Variants in RBM10 observed in about 807,000 individuals in gnomAD.
The protein encoded by RBM10 is RNA binding motif protein 10.
RBM10 carries 1 observed loss-of-function variant against 84.9 expected under a neutral mutation model. The ratio of observed to expected loss-of-function variants is 0.01; its 90% CI spans 0.00 to 0.06. RBM10 has a LOEUF of 0.06. Ranked by LOEUF, RBM10 falls within the 10% of genes least tolerant of loss-of-function variation. RBM10 has a pLI of 1.00. For missense variants in RBM10, 438 were observed against 839.0 expected (o/e 0.52, Z 5.90); for synonymous variants, 326 against 344.5 (o/e 0.95, Z 0.60).
At chrX:47,165,616 C>G (rs187479306) in intron 2 of RBM10, among the ~76,000 whole-genome samples, 2 of 109,639 alleles carry the variant, frequency 1.8e-5, no homozygotes, top group African/African-American at 3.3e-5. Flanking sequence ...GTCAGAAGTT[C>G]GAGACTGGCC....
At chrX:47,174,960 G>A (rs530897439) in intron 5 of RBM10, 59 bp from the exon 6 acceptor site, 8 of 1,038,210 alleles carry the variant, frequency 7.7e-6, no homozygotes, top group South Asian at 5.7e-5. Flanking sequence ...CCCCGGGAAC[G>A]CCGTGTGTCC....
chrX:47,155,560 A>T (rs1933037245), intron 2 of RBM10, among the ~76,000 whole-genome samples: 2 of 106,708 alleles, frequency 1.9e-5, no homozygotes, highest in East Asian at 3.0e-4. Context: ...GTGAAACCCC[A>T]TCTCTACTAA....
At chrX:47,157,550 C>T (rs1264093420) in intron 2 of RBM10, 7 of 433,679 alleles carry the variant, frequency 1.6e-5, no homozygotes, top group Non-Finnish European at 3.0e-5. Context: ...TCTCAATCTT[C>T]CAGATGAGTT....
intron 7 of RBM10, 128 bp downstream of exon 7, chrX:47,176,714 G>GTCTCTC (rs59489451): frequency 4.1e-4 from 390 of 947,131 alleles, no homozygotes; most frequent in African/African-American, 3.2e-3. Flanking sequence ...CTCTCCCTCT[G>GTCTCTC]TCTCTCTCTC....
intron 3 of RBM10, among the ~76,000 whole-genome samples, chrX:47,170,185 G>A (rs191831324): frequency 1.1e-4 from 12 of 113,509 alleles, no homozygotes; most frequent in Non-Finnish European, 1.9e-4. Flanking sequence ...AGCCCTGGGG[G>A]GCAGTCTGTG....
At chrX:47,175,197 T>A in intron 6 of RBM10, 105 bp downstream of exon 6, 1 of 547,975 alleles carries the variant, frequency 1.8e-6, no homozygotes, top group Non-Finnish European at 3.0e-6. Flanking sequence ...CCTGTGGCCC[T>A]GTGTCCCATC....
chrX:47,157,289 G>A (rs1398509035), intron 2 of RBM10: 4 of 328,594 alleles, frequency 1.2e-5, no homozygotes, highest in African/African-American at 5.3e-5. Context: ...TGCTGACCAC[G>A]AACACCTTGT....
At chrX:47,164,521 C>CA (rs201448853) in intron 2 of RBM10, among the ~76,000 whole-genome samples, 4,419 of 69,170 alleles carry the variant, frequency 0.064, 263 homozygotes, top group African/African-American at 0.19. Context: ...TACTCCATCT[C>CA]AAAAAAAAAA....
intron 2 of RBM10, among the ~76,000 whole-genome samples, chrX:47,165,845 C>A (rs1345223147): frequency 9.1e-6 from 1 of 110,310 alleles, no homozygotes; most frequent in Non-Finnish European, 1.9e-5. Context: ...CATAGTGAAA[C>A]CCCGTCTCTA....
Position 47,145,391 on chromosome X carries a change from C to T in RBM10, c.-220C>T, listed in dbSNP as rs1303750120. ...TCCAGTCTCGGACTTGGTTGTTGCG[C>T]GCTCCGGCTCCGGCTGAGCTGGGAG... is the stretch of plus-strand genomic sequence containing the variant. On this transcript the variant is annotated 5_prime_UTR_variant, in exon 1 of 24. Transcript: ENST00000377604. 7 of 1,117,962 alleles carry T rather than the reference C, an allele frequency of 6.3e-6. No homozygotes were observed. Among genetic ancestry groups the T allele is most frequent in the Admixed American group, 2.6e-5 (1 of 38,554 alleles). 92.1% of individuals were successfully genotyped at this position (1,117,962 alleles called of 1,213,427 possible). A position where few individuals can be genotyped will look rare whatever the true frequency, so the allele number is the denominator to read the frequency against.
In RBM10 at chrX:47,164,538, A is replaced by T. The variant is rs943376096; in HGVS notation, c.18-4777A>T. ...CTCCATCTCAAAAAAAAAAAAAAAAATTGGCAAAAGGACTTGAATAGACAT... is the reference window on the plus strand; with the variant it reads ...CTCCATCTCAAAAAAAAAAAAAAAATTTGGCAAAAGGACTTGAATAGACAT... On this transcript the variant is annotated intron_variant, in intron 2 of 23. Coordinates refer to ENST00000377604, the MANE Select transcript of RBM10 (RefSeq NM_005676.5). Among the ~76,000 whole-genome samples, 26 of 110,190 alleles carry T rather than the reference A, an allele frequency of 2.4e-4. No individual in the cohort carries two copies. In the East Asian group the frequency reaches 7.1e-3, roughly 30 times the overall value.
At chrX:47,157,187 A>G in intron 2 of RBM10, 1 of 266,454 alleles carries the variant, frequency 3.8e-6, no homozygotes, top group Non-Finnish European at 7.2e-6. Flanking sequence ...TGGCTTTGAC[A>G]CACTGTGGCT....
chrX:47,183,010 A>G (rs782100425), intron 17 of RBM10, among the ~76,000 whole-genome samples: 1 of 112,435 alleles, frequency 8.9e-6, no homozygotes, highest in Non-Finnish European at 1.9e-5. Context: ...CCATAACAAT[A>G]CCACAGACTG....
At chrX:47,160,603 T>C (rs868979802) in intron 2 of RBM10, among the ~76,000 whole-genome samples, 19 of 108,585 alleles carry the variant, frequency 1.7e-4, no homozygotes, top group Middle Eastern at 4.7e-3. Context: ...AAAAAAAACA[T>C]GTTAGTGAGG....
chrX:47,178,148 A>C (rs1481163825), intron 7 of RBM10, among the ~76,000 whole-genome samples: 1 of 110,056 alleles, frequency 9.1e-6, no homozygotes, highest in Non-Finnish European at 1.9e-5. Flanking sequence ...ACCTCTGACT[A>C]CCCACGCCTC....
In RBM10 at chrX:47,171,074, G is replaced by A. The variant is rs2147134979; in HGVS notation, c.248G>A (p.Arg83Gln). 2 of 1,210,795 alleles carry A rather than the reference G, an allele frequency of 1.7e-6. No individual in the cohort carries two copies. Among genetic ancestry groups the A allele is most frequent in the South Asian group, 1.8e-5 (1 of 56,844 alleles). ...GGCTCCGAGACTCAGCGTAGGCGGC[G>A]GCGGCGGCACAGGCACAGCCCCACC... ...SPGSETQRRR[R>Q]RRHRHSPTGP... The change falls in exon 4 of 24, where the codon CGG becomes CAG. Residue 83 changes from arginine to glutamine, a missense_variant. Physicochemically the swap from Arg to Gln is conservative, Grantham distance 43. Coordinates refer to ENST00000377604, the MANE Select transcript of RBM10 (RefSeq NM_005676.5).
At chrX:47,169,617 G>A (rs954171956) in intron 3 of RBM10, 119 bp downstream of exon 3, 23 of 782,034 alleles carry the variant, frequency 2.9e-5, no homozygotes, top group South Asian at 2.1e-4. Context: ...GACTGTGCTC[G>A]GTGGCTTTGC....
chrX:47,157,780 CTTTTTTT>C, intron 2 of RBM10: 3 of 311,321 alleles, frequency 9.6e-6, no homozygotes, highest in Non-Finnish European at 5.6e-6. Context: ...AGCTGCATGA[CTTTTTTT>C]TTTTTTTTTT....
intron 21 of RBM10, 107 bp downstream of exon 21, chrX:47,185,897 C>T: frequency 6.0e-6 from 7 of 1,167,378 alleles, no homozygotes; most frequent in Non-Finnish European, 6.9e-6. Context: ...CGTGAGCCTT[C>T]TTCCCCATTT....
Sources: gnomAD v4.1 joint callset for allele counts (sites outside exome capture counted in the v4.1 genomes callset) on GRCh38, gnomAD v4.1.1 for gene constraint, MANE v1.5 for transcripts, NCBI Gene and HGNC (gene_info 2026-07-23, HGNC 2026-07-21) for gene names.